CDH3: variants seen among roughly 807,000 people sequenced by gnomAD.
The protein encoded by CDH3 is cadherin 3.
In CDH3, 54 loss-of-function variants were observed where a neutral mutation model predicts 82.0. That is an observed-to-expected ratio of 0.66 (90% confidence interval 0.53 to 0.83). The LOEUF (loss-of-function observed/expected upper bound fraction) is 0.83. CDH3 is among the 40% of genes least tolerant of loss of function. The pLI is 0.00. For synonymous variants in CDH3, 446 were observed against 437.9 expected (o/e 1.02, Z -0.23); for missense variants, 1,054 against 1,084.6 (o/e 0.97, Z 0.40).
intron 2 of CDH3, among the ~76,000 whole-genome samples, chr16:68,647,656 G>C (rs1567434160): frequency 6.6e-6 from 1 of 152,068 alleles, no homozygotes; most frequent in Non-Finnish European, 1.5e-5. Flanking sequence ...GCTGCTGCTT[G>C]CTTTTTTAAG....
chr16:68,654,468 C>T (rs1314673300), intron 2 of CDH3, among the ~76,000 whole-genome samples: 7 of 121,936 alleles, frequency 5.7e-5, no homozygotes, highest in Non-Finnish European at 9.6e-5. Context: ...TTTGGGAGGC[C>T]GAGGCAGGCG....
At chr16:68,723,965 A>T (rs1962191237) in intron 2 of CDH3, among the ~76,000 whole-genome samples, 1 of 149,802 alleles carries the variant, frequency 6.7e-6, no homozygotes, top group Admixed American at 6.6e-5. Context: ...GCTACTTGGG[A>T]GGCTGAGGCA....
downstream of CDH3, among the ~76,000 whole-genome samples, chr16:68,727,957 A>G (rs1441517004): frequency 1.3e-5 from 2 of 152,126 alleles, no homozygotes; most frequent in South Asian, 2.1e-4. Flanking sequence ...GTATGTATGT[A>G]TTATAGCAAA....
intron 2 of CDH3, among the ~76,000 whole-genome samples, chr16:68,653,528 C>T (rs895228676): frequency 1.1e-4 from 16 of 152,054 alleles, no homozygotes; most frequent in African/African-American, 3.6e-4. Context: ...TGAGCCATCG[C>T]GCCCGGCCGG....
chr16:68,674,984 G>A (rs1448597159), intron 2 of CDH3, among the ~76,000 whole-genome samples: 2 of 151,856 alleles, frequency 1.3e-5, no homozygotes, highest in African/African-American at 4.8e-5. Flanking sequence ...ATGGTGGTGC[G>A]TGCCTATAGT....
chr16:68,652,888 T>G (rs1960289560), intron 2 of CDH3, among the ~76,000 whole-genome samples: 1 of 152,244 alleles, frequency 6.6e-6, no homozygotes, highest in African/African-American at 2.4e-5. Flanking sequence ...TCTAGTTGAT[T>G]CTCATTGTAT....
chr16:68,678,688 C>G, intron 5 of CDH3, 32 bp downstream of exon 5: 1 of 1,614,106 alleles, frequency 6.2e-7, no homozygotes, highest in South Asian at 1.1e-5. Flanking sequence ...CTGTAAATGT[C>G]CCCTCAGAAG....
intron 2 of CDH3, among the ~76,000 whole-genome samples, chr16:68,653,744 C>T (rs1960319198): frequency 6.8e-6 from 1 of 147,720 alleles, no homozygotes; most frequent in Non-Finnish European, 1.5e-5. Context: ...GGCTGGAGTG[C>T]AGTGGCCTGA....
At chr16:68,731,395 A>AAATATATATATATATAT (rs1555509187), downstream of CDH3, among the ~76,000 whole-genome samples, 3 of 5,242 alleles carry the variant, frequency 5.7e-4, 1 homozygote, top group African/African-American at 2.9e-3. Context: ...AAAAAAAAAA[A>AAATATATATATATATAT]ATATATATAT....
intron 13 of CDH3, among the ~76,000 whole-genome samples, chr16:68,692,443 G>A (rs1377609402): frequency 3.9e-5 from 6 of 152,170 alleles, no homozygotes; most frequent in South Asian, 2.1e-4. Context: ...AAACAGACTC[G>A]GCCCTGCCAT....
intron 2 of CDH3, among the ~76,000 whole-genome samples, chr16:68,650,261 C>T (rs1233579229): frequency 2.6e-5 from 4 of 152,104 alleles, no homozygotes; most frequent in African/African-American, 9.7e-5. Flanking sequence ...TTTCCCAGCA[C>T]CCTCTCCACT....
At chr16:68,686,254 G>T in intron 11 of CDH3, 1 of 610,684 alleles carries the variant, frequency 1.6e-6, no homozygotes, top group South Asian at 2.0e-5. Flanking sequence ...CGGGGCGAGC[G>T]GCAAGGGCTG....
At chr16:68,687,012 T>G (rs543143371) in intron 11 of CDH3, among the ~76,000 whole-genome samples, 1 of 152,284 alleles carries the variant, frequency 6.6e-6, no homozygotes, top group South Asian at 2.1e-4. Flanking sequence ...TCAGCCTTAG[T>G]TTTTGGTTCA....
chr16:68,694,800 G>A (rs1468942094), intron 13 of CDH3, among the ~76,000 whole-genome samples: 2 of 152,048 alleles, frequency 1.3e-5, no homozygotes, highest in Admixed American at 1.3e-4. Flanking sequence ...CCGACATCCC[G>A]ACGAAAGGTT....
intron 2 of CDH3, chr16:68,651,092 C>A: frequency 2.4e-6 from 1 of 421,354 alleles, no homozygotes; most frequent in South Asian, 2.1e-5. Flanking sequence ...CCTGGGCAGT[C>A]GTTGGTGCCC....
chr16:68,686,131 C>A (rs1961404420), intron 11 of CDH3, among the ~76,000 whole-genome samples: 1 of 152,276 alleles, frequency 6.6e-6, no homozygotes, highest in South Asian at 2.1e-4. Flanking sequence ...GCCTGGCCAA[C>A]ATGGCAAAAC....
intron 2 of CDH3, among the ~76,000 whole-genome samples, chr16:68,670,987 C>T (rs747883720): frequency 2.0e-5 from 3 of 152,048 alleles, no homozygotes; most frequent in Non-Finnish European, 2.9e-5. Flanking sequence ...GCAAGAGAAT[C>T]GCTTGAGCCC....
chr16:68,662,706 G>A (rs1325679747), intron 2 of CDH3, among the ~76,000 whole-genome samples: 2 of 151,326 alleles, frequency 1.3e-5, no homozygotes, highest in African/African-American at 2.4e-5. Flanking sequence ...CACCACGCCC[G>A]GCTAATTTTT....
chr16:68,688,273 A>C (rs538777653), intron 12 of CDH3, among the ~76,000 whole-genome samples: 1 of 151,538 alleles, frequency 6.6e-6, no homozygotes, highest in Non-Finnish European at 1.5e-5. Flanking sequence ...TGCCCACCAC[A>C]CCCGGCTGCG....
Sources: allele counts gnomAD v4.1 joint callset (sites outside exome capture counted in the v4.1 genomes callset), GRCh38; gene constraint gnomAD v4.1.1; transcripts MANE v1.5; gene names NCBI Gene and HGNC (gene_info 2026-07-23, HGNC 2026-07-21).